ATF3: variants seen among roughly 807,000 people sequenced by gnomAD.
ATF3 encodes cyclic AMP-dependent transcription factor ATF-3.
In ATF3, 10 loss-of-function variants were observed where a neutral mutation model predicts 18.4. That is an observed-to-expected ratio of 0.54 (90% CI 0.34 to 0.92). The LOEUF (loss-of-function observed/expected upper bound fraction) is 0.92, where lower values mean the gene tolerates loss of function less well. Among genes scored for constraint, ATF3 ranks in the 40% least tolerant of loss-of-function variants. The probability of loss-of-function intolerance (pLI) is 0.02; values close to 1 mark genes in which losing one functional copy is unlikely to be tolerated. For synonymous variants in ATF3, 78 were observed against 87.9 expected (o/e 0.89, Z 0.63); for missense variants, 183 against 222.3 (o/e 0.82, Z 1.12).
At chr1:212,610,516 G>A (rs369757730) in intron 1 of ATF3, among the ~76,000 whole-genome samples, 5 of 152,176 alleles carry the variant, frequency 3.3e-5, no homozygotes, top group African/African-American at 2.4e-5. Context: ...AGTTACTGTC[G>A]GAATGGTTTC....
chr1:212,617,625 G>A (rs1422903228), intron 2 of ATF3, among the ~76,000 whole-genome samples: 3 of 152,190 alleles, frequency 2.0e-5, no homozygotes, highest in East Asian at 3.9e-4. Context: ...AATTTGGGAA[G>A]CTGGTGCTCT....
chr1:212,587,276 T>C (rs1229452864), intron 1 of ATF3, among the ~76,000 whole-genome samples: 3 of 152,266 alleles, frequency 2.0e-5, no homozygotes, highest in Non-Finnish European at 4.4e-5. Context: ...AATACATTAA[T>C]AAATGAAGAA....
At chr1:212,598,607 C>T (rs1654389076) in intron 1 of ATF3, among the ~76,000 whole-genome samples, 1 of 152,180 alleles carries the variant, frequency 6.6e-6, no homozygotes, top group Admixed American at 6.5e-5. Context: ...CCTTCCCCCA[C>T]CCCCATTACC....
intron 2 of ATF3, among the ~76,000 whole-genome samples, chr1:212,617,053 T>G (rs973193537): frequency 1.3e-5 from 2 of 152,138 alleles, no homozygotes; most frequent in Non-Finnish European, 2.9e-5. Context: ...TATCGGCATA[T>G]AGATGGCACT....
At chr1:212,596,184 A>G (rs1343431411) in intron 1 of ATF3, among the ~76,000 whole-genome samples, 1 of 152,236 alleles carries the variant, frequency 6.6e-6, no homozygotes, top group African/African-American at 2.4e-5. Flanking sequence ...TTAAACCTCC[A>G]TGATTCCAAA....
At chr1:212,593,376 T>C (rs7532514) in intron 1 of ATF3, among the ~76,000 whole-genome samples, 146,505 of 150,604 alleles carry the variant, frequency 0.97, 71,284 homozygotes, top group African/African-American at 0.99. Context: ...ATCAACATGG[T>C]ACATGTATAC....
chr1:212,590,537 G>A (rs1664863137), intron 1 of ATF3, among the ~76,000 whole-genome samples: 1 of 152,256 alleles, frequency 6.6e-6, no homozygotes, highest in Admixed American at 6.5e-5. Flanking sequence ...GCATGTGTGT[G>A]GGGTGAGCCC....
intron 1 of ATF3, among the ~76,000 whole-genome samples, chr1:212,603,446 T>C (rs1216983625): frequency 6.6e-6 from 1 of 152,226 alleles, no homozygotes; most frequent in Non-Finnish European, 1.5e-5. Flanking sequence ...TGGGGGTCCT[T>C]CCATCTTCCA....
intron 1 of ATF3, among the ~76,000 whole-genome samples, chr1:212,592,496 A>G (rs1558231120): frequency 6.6e-6 from 1 of 151,714 alleles, no homozygotes; most frequent in Non-Finnish European, 1.5e-5. Context: ...TATTTGGTTG[A>G]TATGTCTCTT....
At chr1:212,599,124 G>A (rs1224752236) in intron 1 of ATF3, among the ~76,000 whole-genome samples, 2 of 152,196 alleles carry the variant, frequency 1.3e-5, no homozygotes, top group African/African-American at 4.8e-5. Flanking sequence ...ACCAGCATTT[G>A]TTATTGTCTG....
intron 1 of ATF3, among the ~76,000 whole-genome samples, chr1:212,584,098 G>A (rs1664735163): frequency 1.3e-5 from 2 of 152,068 alleles, no homozygotes; most frequent in South Asian, 4.2e-4. Context: ...CTTGTAAATA[G>A]TAGCTATAAT....
At chr1:212,593,030 G>A (rs982553281) in intron 1 of ATF3, among the ~76,000 whole-genome samples, 1 of 150,704 alleles carries the variant, frequency 6.6e-6, no homozygotes, top group Non-Finnish European at 1.5e-5. Flanking sequence ...CAAAGACTTG[G>A]AACCAACCCA....
At chr1:212,606,763 GA>G (rs966748756), upstream of ATF3, among the ~76,000 whole-genome samples, 92 of 152,354 alleles carry the variant, frequency 6.0e-4, no homozygotes, top group African/African-American at 2.1e-3. Context: ...GCTAAGTAGA[GA>G]TAACAAATAA....
intron 1 of ATF3, among the ~76,000 whole-genome samples, chr1:212,586,257 A>C (rs1664778472): frequency 6.6e-6 from 1 of 152,184 alleles, no homozygotes. Context: ...CTCTTGACCC[A>C]GAGCTTGACT....
chr1:212,588,173 A>G (rs1267556536), intron 1 of ATF3, among the ~76,000 whole-genome samples: 2 of 151,956 alleles, frequency 1.3e-5, no homozygotes, highest in Admixed American at 1.3e-4. Flanking sequence ...AGACATTGAA[A>G]CCCAACAGAA....
intron 1 of ATF3, among the ~76,000 whole-genome samples, chr1:212,586,365 G>A (rs1352553991): frequency 6.6e-6 from 1 of 152,144 alleles, no homozygotes; most frequent in African/African-American, 2.4e-5. Flanking sequence ...GCAAGCCAGT[G>A]GGAGGGAATA....
At position 212,571,689 on chromosome 1, in the gene ATF3, C is replaced by T. The variant is rs528163639; in HGVS notation, c.-5+6206C>T. Among the ~76,000 whole-genome samples, 6 of 149,248 alleles carry T rather than the reference C, an allele frequency of 4.0e-5. No homozygotes were observed. In the South Asian group the frequency reaches 1.3e-3, roughly 32 times the overall value. On this transcript the variant is annotated intron_variant, in intron 1 of 3. Coordinates refer to the ATF3 transcript ENST00000366981. Reference sequence around the variant, plus strand: ...CCTCCCAAAGTGCTGGGATTACAGACGTGAACCACCGCGCCCAGCCAATAC... The same window carrying T: ...CCTCCCAAAGTGCTGGGATTACAGATGTGAACCACCGCGCCCAGCCAATAC...
rs1655290402 is a variant in ATF3, at chr1:212,619,722, C to G, written c.*167C>G. The stretch of plus-strand genomic sequence containing the variant: ...AGTGATTCAGCAGGCCCTTCCCATT[C>G]TGCCCCAGAGTGGGTCTTGGACCAG... On this transcript the variant is annotated 3_prime_UTR_variant, in exon 4 of 4. Coordinates refer to ENST00000341491, the MANE Select transcript of ATF3 (RefSeq NM_001674.4). This position sits in a 1 kb window ranked among gnomAD's most constrained non-coding sequence, Gnocchi z 4.4. The G allele has an allele frequency of 2.2e-6, 2 of 921,740 alleles. No homozygotes were observed. The highest frequency in any genetic ancestry group is 3.2e-6 in the Non-Finnish European group (2 of 622,930). The allele number at this position is 921,740 out of a possible 1,614,324, so 57.1% of individuals were successfully genotyped here. A position where few individuals can be genotyped will look rare whatever the true frequency, so the allele number is the denominator to read the frequency against.
At chr1:212,571,966 C>G (rs1475374964) in intron 1 of ATF3, among the ~76,000 whole-genome samples, 5 of 151,924 alleles carry the variant, frequency 3.3e-5, no homozygotes, top group Non-Finnish European at 7.4e-5. Context: ...CCCGGCTCGG[C>G]CTCCCAAAGT....
Sources: allele counts gnomAD v4.1 joint callset (sites outside exome capture counted in the v4.1 genomes callset), GRCh38; gene constraint gnomAD v4.1.1; non-coding constraint Gnocchi (gnomAD v3.1); transcripts MANE v1.5; gene names NCBI Gene and HGNC (gene_info 2026-07-23, HGNC 2026-07-21).